EYA4: variants seen among roughly 807,000 people sequenced by gnomAD.
EYA4 encodes protein phosphatase EYA4.
Under a neutral mutation model 87.9 loss-of-function variants are expected in EYA4, and 31 were observed. The ratio of observed to expected loss-of-function variants is 0.35; its 90% CI spans 0.27 to 0.48. The LOEUF (loss-of-function observed/expected upper bound fraction) is 0.48, where lower values mean the gene tolerates loss of function less well. Among genes scored for constraint, EYA4 ranks in the 20% least tolerant of loss-of-function variants. The probability of loss-of-function intolerance (pLI) is 0.99; values close to 1 mark genes in which losing one functional copy is unlikely to be tolerated. For missense variants in EYA4, 678 were observed against 761.4 expected, an observed-to-expected ratio of 0.89 and a Z score of 1.29; for synonymous variants, 263 against 270.6, an observed-to-expected ratio of 0.97 and a Z score of 0.28.
At chr6:133,302,859 T>C (rs1481198313) in intron 2 of EYA4, among the ~76,000 whole-genome samples, 1 of 152,200 alleles carries the variant, frequency 6.6e-6, no homozygotes, top group Admixed American at 6.5e-5. Flanking sequence ...CAACCACAGA[T>C]AAAAGTTTTA....
intron 1 of EYA4, among the ~76,000 whole-genome samples, chr6:133,273,006 G>C (rs28678342): frequency 5.3e-5 from 8 of 151,132 alleles, no homozygotes; most frequent in African/African-American, 1.9e-4. Flanking sequence ...TAAGGCACCC[G>C]ATGCTGATGC....
At position 133,530,029 on chromosome 6, in the gene EYA4, C is replaced by T. The variant is rs1800918103; in HGVS notation, c.*1224C>T. 6.1e-6 allele frequency: 6 copies of T among 984,990 alleles called. No individual in the cohort carries two copies. In the African/African-American group the frequency reaches 8.7e-5, roughly 14 times the overall value. 61.0% of individuals were successfully genotyped at this position (984,990 alleles called of 1,614,324 possible). ...AAGCTAAGTATGTTTATTCCCAATG[C>T]CATGGCAAAAATGATAATATCATCA... is the stretch of plus-strand genomic sequence containing the variant. On this transcript the variant is annotated 3_prime_UTR_variant, in exon 20 of 20. Coordinates refer to ENST00000355286, the MANE Select transcript of EYA4 (RefSeq NM_004100.5).
chr6:133,413,859 G>A (rs765214402), intron 3 of EYA4, among the ~76,000 whole-genome samples: 34 of 152,264 alleles, frequency 2.2e-4, no homozygotes, highest in Non-Finnish European at 3.7e-4. Context: ...CATCTGCAAA[G>A]ATTCTCCTCT....
At chr6:133,517,274 T>A (rs1457453658) in intron 17 of EYA4, among the ~76,000 whole-genome samples, 2 of 151,854 alleles carry the variant, frequency 1.3e-5, no homozygotes, top group African/African-American at 4.9e-5. Flanking sequence ...AAAATGGGTA[T>A]TAGGCTTAAT....
rs1795040259 is a variant in EYA4 at position 133,468,499 on chromosome 6, G to T, written c.805-67G>T. On this transcript the variant is annotated intron_variant, in intron 10 of 19. Transcript: ENST00000355286. ...AATCTTTCAGTTACCATAATGACTG[G>T]TTTTCTTGGGAGAGTATTAAAGAGT... 6 of 1,301,080 alleles carry T rather than the reference G, an allele frequency of 4.6e-6. 1 individual carries two copies. The South Asian group carries it at 5.9e-5, about 13-fold the overall frequency. 80.6% of individuals were successfully genotyped at this position (1,301,080 alleles called of 1,614,324 possible).
intron 1 of EYA4, among the ~76,000 whole-genome samples, chr6:133,264,928 C>A (rs1417492737): frequency 6.6e-6 from 1 of 152,236 alleles, no homozygotes; most frequent in South Asian, 2.1e-4. Flanking sequence ...AACTCCTGGC[C>A]TCAAGTGATC....
intron 2 of EYA4, among the ~76,000 whole-genome samples, chr6:133,300,262 A>G (rs1344800652): frequency 1.3e-5 from 2 of 152,012 alleles, no homozygotes; most frequent in Non-Finnish European, 2.9e-5. Flanking sequence ...GGGATGGCAG[A>G]GATGAAAGAA....
At chr6:133,525,285 A>G in intron 19 of EYA4, 31 bp downstream of exon 19, 1 of 1,556,672 alleles carries the variant, frequency 6.4e-7, no homozygotes, top group Non-Finnish European at 8.9e-7. Context: ...TCGGTGTGAT[A>G]CTTCTAATGC....
chr6:133,272,676 C>T (rs1399815477), intron 1 of EYA4, among the ~76,000 whole-genome samples: 1 of 152,132 alleles, frequency 6.6e-6, no homozygotes, highest in African/African-American at 2.4e-5. Flanking sequence ...CTGGCAAAGG[C>T]TCCAAACAGC....
Position 133,515,321 on chromosome 6 carries a change from G to C in EYA4, c.1502G>C (p.Gly501Ala), listed in dbSNP as rs767782223. Residue 501 changes from glycine to alanine, a missense_variant and splice_region_variant, in exon 17 of 20, where the codon GGA becomes GCA. By Grantham distance (60) the Gly-to-Ala change is moderately conservative. Coordinates refer to ENST00000355286, the MANE Select transcript of EYA4 (RefSeq NM_004100.5). ...LYNTYKNNVG[G>A]LLGPAKRDAW... ...CTGCCTTGGTTTTTTGGTGTTGCAG[G>C]ACTCCTTGGCCCTGCCAAGAGGGAT... The C allele has an allele frequency of 1.9e-6, 3 of 1,572,442 alleles. No individual in the cohort carries two copies. Among genetic ancestry groups the C allele is most frequent in the Middle Eastern group, 1.7e-4 (1 of 6,000 alleles).
At chr6:133,434,181 G>T (rs1452743643) in intron 3 of EYA4, among the ~76,000 whole-genome samples, 1 of 152,164 alleles carries the variant, frequency 6.6e-6, no homozygotes, top group South Asian at 2.1e-4. Flanking sequence ...AAAAGCTCTT[G>T]GGCAGGACAG....
chr6:133,299,643 C>T (rs575546196), intron 2 of EYA4, among the ~76,000 whole-genome samples: 6 of 151,362 alleles, frequency 4.0e-5, no homozygotes, highest in South Asian at 2.1e-4. Flanking sequence ...ACCCGGGAGG[C>T]GGAGCTTGTA....
rs1583058327 is a variant in EYA4 at position 133,360,858 on chromosome 6, A to G, written c.34-21534A>G. ...CACCCATAGGTACAAAGGTCCTGAA[A>G]TAGCATAGAGATTGGGATGTTTATG... On this transcript the variant is annotated intron_variant, in intron 2 of 19. Coordinates refer to ENST00000355286, the MANE Select transcript of EYA4 (RefSeq NM_004100.5). Among the ~76,000 whole-genome samples the G allele has an allele frequency of 4.6e-5, 7 of 152,336 alleles. No individual in the cohort carries two copies. The South Asian group carries it at 1.5e-3, about 32-fold the overall frequency.
At chr6:133,511,979 TA>T (rs11355023) in intron 14 of EYA4, among the ~76,000 whole-genome samples, 660 of 142,278 alleles carry the variant, frequency 4.6e-3, no homozygotes, top group African/African-American at 9.9e-3. Context: ...AGATTCCATA[TA>T]AAAAAAAAAA....
chr6:133,281,972 G>C (rs142084377), intron 2 of EYA4, among the ~76,000 whole-genome samples: 1 of 152,112 alleles, frequency 6.6e-6, no homozygotes, highest in Non-Finnish European at 1.5e-5. Flanking sequence ...TGGCTGTATA[G>C]TATCCCATGG....
At chr6:133,490,858 G>A (rs1172014179) in intron 13 of EYA4, among the ~76,000 whole-genome samples, 1 of 152,034 alleles carries the variant, frequency 6.6e-6, no homozygotes, top group African/African-American at 2.4e-5. Context: ...AGACCAAATG[G>A]ACCTAATAGA....
rs376366555 is a variant in EYA4, at chr6:133,530,993, T to A, written c.*2188T>A. Reference sequence around the variant, plus strand: ...TATTACTGTGAATAAAAACAAATTATCTTTACTGTATAGCTGGTTTCTTTA... The same window carrying A: ...TATTACTGTGAATAAAAACAAATTAACTTTACTGTATAGCTGGTTTCTTTA... On this transcript the variant is annotated 3_prime_UTR_variant, in exon 20 of 20. Transcript: ENST00000355286. 7.0e-5 allele frequency: 91 copies of A among 1,295,542 alleles called. 1 individual carries two copies. In the East Asian group the frequency reaches 2.0e-3, roughly 28 times the overall value. 80.3% of individuals were successfully genotyped at this position (1,295,542 alleles called of 1,614,324 possible).
At chr6:133,350,019 A>G (rs1022374127) in intron 2 of EYA4, among the ~76,000 whole-genome samples, 3 of 152,158 alleles carry the variant, frequency 2.0e-5, no homozygotes. Context: ...AATGTAGGAC[A>G]TGAAATACCA....
intron 2 of EYA4, among the ~76,000 whole-genome samples, chr6:133,365,377 A>T (rs1784781227): frequency 6.6e-6 from 1 of 152,182 alleles, no homozygotes. Flanking sequence ...TGAAGAGTTA[A>T]TGGTACAAAT....
Sources: allele counts gnomAD v4.1 joint callset (sites outside exome capture counted in the v4.1 genomes callset), GRCh38; gene constraint gnomAD v4.1.1; transcripts MANE v1.5; gene names NCBI Gene and HGNC (gene_info 2026-07-23, HGNC 2026-07-21).